FAF1: variants seen among roughly 807,000 people sequenced by gnomAD.
FAF1 encodes the protein FAS-associated factor 1.
A neutral mutation model predicts 92.5 loss-of-function variants in FAF1; 25 were observed. The observed-to-expected ratio is 0.27, with a 90% CI of 0.20 to 0.38. FAF1 has a LOEUF of 0.38. Ranked by LOEUF, FAF1 falls within the 10% of genes least tolerant of loss-of-function variation. The pLI is 1.00. For synonymous variants in FAF1, 234 were observed against 273.2 expected (o/e 0.86, Z 1.42); for missense variants, 636 against 793.3 (o/e 0.80, Z 2.38).
intron 2 of FAF1, among the ~76,000 whole-genome samples, chr1:50,814,256 A>T (rs1278447458): frequency 6.6e-6 from 1 of 152,206 alleles, no homozygotes; most frequent in East Asian, 1.9e-4. Context: ...ATATTAGCCT[A>T]ATATTATAGC....
At chr1:50,840,848 C>A (rs1412257417) in intron 2 of FAF1, among the ~76,000 whole-genome samples, 1 of 151,690 alleles carries the variant, frequency 6.6e-6, no homozygotes, top group Non-Finnish European at 1.5e-5. Flanking sequence ...AATTACAGAG[C>A]CTAAATTTAT....
In FAF1 at chr1:50,439,176, C is replaced by A. The variant is rs1298158209; in HGVS notation, c.*2264G>T. The A allele has an allele frequency of 6.6e-6, 1 of 152,230 alleles. No homozygotes were observed. Among genetic ancestry groups the A allele is most frequent in the Non-Finnish European group, 1.5e-5 (1 of 68,058 alleles). 9.4% of individuals were successfully genotyped at this position (152,230 alleles called of 1,614,324 possible). On this transcript the variant is annotated 3_prime_UTR_variant, in exon 19 of 19. Transcript: ENST00000396153. ...GGCTGGGATGTAAAGCCCAAGGAAG[C>A]CTAATGGTAGGAGGAAGAACTGCAG...
At chr1:50,490,448 G>C (rs1297875472) in intron 17 of FAF1, 140 bp downstream of exon 17, 19 of 340,406 alleles carry the variant, frequency 5.6e-5, no homozygotes, top group Non-Finnish European at 1.1e-4. Context: ...AGGAAGGAAG[G>C]AAGGAAGGAA....
intron 4 of FAF1, among the ~76,000 whole-genome samples, chr1:50,752,638 T>A (rs1659911953): frequency 6.6e-6 from 1 of 152,138 alleles, no homozygotes; most frequent in South Asian, 2.1e-4. Flanking sequence ...TTATACATAT[T>A]ATTATGCTTC....
chr1:50,477,580 G>A (rs1248658043), intron 17 of FAF1, among the ~76,000 whole-genome samples: 1 of 152,114 alleles, frequency 6.6e-6, no homozygotes, highest in East Asian at 1.9e-4. Context: ...ATGAGTTTCA[G>A]CTGAGTATTT....
rs148964762 is a variant in FAF1, at chr1:50,766,620, G to A, written c.367+21380C>T. On this transcript the variant is annotated intron_variant, in intron 4 of 18. Transcript: ENST00000396153. ...GGAGGACAAAGATGCTGGACCAAAG[G>A]GGTAGGAAGCTGGGGATCCAGCACA... 9.9e-4 allele frequency among the ~76,000 whole-genome samples: 150 copies of A among 152,086 alleles called. 1 individual carries two copies. Among genetic ancestry groups the A allele is most frequent in the African/African-American group, 3.6e-3 (148 of 41,466 alleles).
At position 50,825,661 on chromosome 1, in the gene FAF1, C is replaced by CA. The variant is rs141803724; in HGVS notation, c.115-23985dup. On this transcript the variant is annotated intron_variant, in intron 2 of 18. Coordinates refer to ENST00000396153, the MANE Select transcript of FAF1 (RefSeq NM_007051.3). Reference sequence around the variant, plus strand: ...CTAAAGAATATAGAATACCTGAACACAAAAAAAACCCGACATAATAACAAA... The same window carrying CA: ...CTAAAGAATATAGAATACCTGAACACAAAAAAAAACCCGACATAATAACAAA... 1.8e-4 allele frequency among the ~76,000 whole-genome samples: 27 copies of CA among 151,392 alleles called. No homozygotes were observed. In the South Asian group the frequency reaches 2.3e-3, roughly 13 times the overall value.
At chr1:50,480,241 T>C (rs560218545) in intron 17 of FAF1, among the ~76,000 whole-genome samples, 1 of 152,100 alleles carries the variant, frequency 6.6e-6, no homozygotes, top group South Asian at 2.1e-4. Flanking sequence ...GCAGTGAAAA[T>C]AGATACCCAC....
At chr1:50,455,537 A>G (rs368117616) in intron 18 of FAF1, among the ~76,000 whole-genome samples, 19 of 152,220 alleles carry the variant, frequency 1.2e-4, no homozygotes, top group Admixed American at 8.5e-4. Flanking sequence ...CAGGAAGCCA[A>G]TGGTTTTGTT....
chr1:50,771,317 C>T (rs965201793), intron 4 of FAF1, among the ~76,000 whole-genome samples: 1 of 152,088 alleles, frequency 6.6e-6, no homozygotes, highest in East Asian at 1.9e-4. Context: ...AATCACACAA[C>T]CTACAGAATG....
chr1:50,567,164 AT>A lies in FAF1; in HGVS notation c.1180del (p.Met394CysfsTer11). ...SVLTNVFCSQ[M>X]LCAESIVSYL... ...AGAAACAATGGATTCAGCACAAAGC[AT>A]TTGTGAGCAGAACACGTTGGTTAAC... On this transcript the variant is annotated frameshift_variant, in exon 13 of 19. Transcript: ENST00000396153. LOFTEE classifies it high-confidence loss of function. 6.2e-7 allele frequency: 1 copy of A among 1,610,588 alleles called. No homozygotes were observed. Among genetic ancestry groups the A allele is most frequent in the Non-Finnish European group, 8.5e-7 (1 of 1,177,400 alleles).
At chr1:50,814,427 GTGGGT>G (rs1171369982) in intron 2 of FAF1, among the ~76,000 whole-genome samples, 1 of 152,018 alleles carries the variant, frequency 6.6e-6, no homozygotes, top group African/African-American at 2.4e-5. Context: ...ATCATATTGT[GTGGGT>G]ACAATAAAAT....
chr1:50,908,995 T>C (rs1236342503), intron 1 of FAF1, among the ~76,000 whole-genome samples: 1 of 152,236 alleles, frequency 6.6e-6, no homozygotes, highest in East Asian at 1.9e-4. Context: ...TTTGGCATGT[T>C]TTTGCAGTGT....
intron 7 of FAF1, among the ~76,000 whole-genome samples, chr1:50,684,843 T>C (rs768311452): frequency 1.2e-4 from 19 of 152,212 alleles, no homozygotes; most frequent in Admixed American, 6.5e-4. Flanking sequence ...TCTTTGACTC[T>C]TCTTAAAAAA....
At chr1:50,677,218 AC>A (rs1656160314) in intron 7 of FAF1, among the ~76,000 whole-genome samples, 1 of 152,204 alleles carries the variant, frequency 6.6e-6, no homozygotes, top group African/African-American at 2.4e-5. Context: ...CTGGGCAAAA[AC>A]TAAAAATACT....
chr1:50,854,208 AAAGT>A (rs1644373828), intron 2 of FAF1, among the ~76,000 whole-genome samples: 1 of 152,082 alleles, frequency 6.6e-6, no homozygotes, highest in East Asian at 1.9e-4. Flanking sequence ...GTGAAAACAG[AAAGT>A]GAGACGTGGG....
intron 17 of FAF1, among the ~76,000 whole-genome samples, chr1:50,489,565 A>G (rs556221058): frequency 1.5e-4 from 23 of 152,224 alleles, no homozygotes; most frequent in Non-Finnish European, 2.6e-4. Flanking sequence ...CTATTTTTAT[A>G]AGAGTAGGAA....
chr1:50,669,838 T>C (rs971386776), intron 7 of FAF1, among the ~76,000 whole-genome samples: 1 of 152,150 alleles, frequency 6.6e-6, no homozygotes, highest in African/African-American at 2.4e-5. Flanking sequence ...TTTTAAACTT[T>C]AGGCTGGGCG....
rs554955679 is a variant in FAF1 at position 50,488,644 on chromosome 1, G to A, written c.1653+1944C>T. 1.7e-4 allele frequency among the ~76,000 whole-genome samples: 26 copies of A among 152,274 alleles called. 1 individual carries two copies. In the South Asian group the frequency reaches 4.8e-3, roughly 28 times the overall value. On this transcript the variant is annotated intron_variant, in intron 17 of 18. Transcript: ENST00000396153. ...TGACTCCTGTGGACACAATGATATA[G>A]GGTTTTGTACTGGAATGGAGTATGA...
Sources: gnomAD v4.1 joint callset for allele counts (sites outside exome capture counted in the v4.1 genomes callset) on GRCh38, gnomAD v4.1.1 for gene constraint, MANE v1.5 for transcripts, NCBI Gene and HGNC (gene_info 2026-07-23, HGNC 2026-07-21) for gene names.